FTO: variants seen among roughly 807,000 people sequenced by gnomAD.
The protein encoded by FTO is FTO alpha-ketoglutarate dependent dioxygenase, also known as alpha-ketoglutarate-dependent dioxygenase FTO.
FTO carries 47 observed loss-of-function variants against 63.9 expected under a neutral mutation model. The observed-to-expected ratio is 0.74, with a 90% CI of 0.58 to 0.94. FTO has a LOEUF of 0.94. Ranked by LOEUF, FTO falls within the 40% of genes least tolerant of loss-of-function variation. The pLI, the probability that FTO is intolerant of heterozygous loss-of-function variation, is 0.00. For missense variants in FTO, 562 were observed against 618.1 expected, an observed-to-expected ratio of 0.91 and a Z score of 0.96; for synonymous variants, 207 against 224.4, an observed-to-expected ratio of 0.92 and a Z score of 0.69.
chr16:53,711,470 C>T (rs552891220), intron 1 of FTO: 3 of 398,594 alleles, frequency 7.5e-6, no homozygotes, highest in South Asian at 1.3e-4. Context: ...TAAGTACCAA[C>T]AGCAGAGTGG....
chr16:54,015,623 T>G (rs2084426115), intron 8 of FTO, among the ~76,000 whole-genome samples: 1 of 152,190 alleles, frequency 6.6e-6, no homozygotes, highest in African/African-American at 2.4e-5. Context: ...TTGGGAAAAT[T>G]CAACTTAACC....
intron 1 of FTO, among the ~76,000 whole-genome samples, chr16:53,773,675 G>C (rs542594664): frequency 6.6e-6 from 1 of 152,274 alleles, no homozygotes; most frequent in African/African-American, 2.4e-5. Flanking sequence ...TGCCTAACAG[G>C]ACTAGTTTTC....
rs1264831905 is a variant in FTO, at chr16:54,118,734, A to G, written c.*6819A>G. 8.6e-5 allele frequency: 13 copies of G among 151,664 alleles called. No homozygotes were observed. Among genetic ancestry groups the G allele is most frequent in the African/African-American group, 3.2e-4 (13 of 41,246 alleles). 9.4% of individuals were successfully genotyped at this position (151,664 alleles called of 1,614,324 possible). On this transcript the variant is annotated 3_prime_UTR_variant, in exon 9 of 9. Coordinates refer to ENST00000471389, the MANE Select transcript of FTO (RefSeq NM_001080432.3). ...TCTTCGTGGTGCCAGTTTCAAGGGC[A>G]CCCTTCTTCCCTTCCCAGCCTCCGA... is the stretch of plus-strand genomic sequence containing the variant.
intron 4 of FTO, among the ~76,000 whole-genome samples, chr16:53,873,491 T>C (rs2080559531): frequency 6.7e-6 from 1 of 149,370 alleles, no homozygotes; most frequent in Non-Finnish European, 1.5e-5. Context: ...TGTATAAGTA[T>C]ATATAAGTAT....
At position 54,091,046 on chromosome 16, in the gene FTO, T is replaced by A. The variant is rs544359155; in HGVS notation, c.1365-20716T>A. 1.2e-3 allele frequency among the ~76,000 whole-genome samples: 188 copies of A among 152,284 alleles called. 1 individual carries two copies. Among genetic ancestry groups the A allele is most frequent in the Non-Finnish European group, 2.2e-3 (153 of 68,022 alleles). On this transcript the variant is annotated intron_variant, in intron 8 of 8. Coordinates refer to ENST00000471389, the MANE Select transcript of FTO (RefSeq NM_001080432.3). ...TAAGGAAATGGCCCAGAGTCACCTGTGCCGTGATCTGTTGTTGAAAGCAAG... is the reference window on the plus strand; with the variant it reads ...TAAGGAAATGGCCCAGAGTCACCTGAGCCGTGATCTGTTGTTGAAAGCAAG...
intron 1 of FTO, among the ~76,000 whole-genome samples, chr16:53,757,539 G>A (rs1380783129): frequency 6.6e-6 from 1 of 151,088 alleles, no homozygotes; most frequent in Non-Finnish European, 1.5e-5. Flanking sequence ...TATATAATAT[G>A]TGTGTATATA....
At chr16:54,000,721 G>C (rs564689035) in intron 8 of FTO, among the ~76,000 whole-genome samples, 44 of 152,248 alleles carry the variant, frequency 2.9e-4, no homozygotes, top group African/African-American at 1.0e-3. Context: ...ATGTCCATCG[G>C]TATGTCTCAG....
intron 8 of FTO, among the ~76,000 whole-genome samples, chr16:54,081,114 A>T (rs13335622): frequency 0.025 from 3,823 of 152,220 alleles, 144 homozygotes; most frequent in African/African-American, 0.085. Context: ...AATCGCATCA[A>T]TATTTTTTTT....
At chr16:54,074,268 C>T (rs796291861) in intron 8 of FTO, among the ~76,000 whole-genome samples, 15 of 151,926 alleles carry the variant, frequency 9.9e-5, no homozygotes, top group African/African-American at 3.4e-4. Context: ...TCTGGGTTTG[C>T]TTTTTTAATT....
intron 8 of FTO, among the ~76,000 whole-genome samples, chr16:54,069,084 C>T (rs557027420): frequency 2.0e-5 from 3 of 152,256 alleles, no homozygotes; most frequent in East Asian, 1.9e-4. Context: ...TTAAACTGAT[C>T]GCTCCAGTTT....
intron 1 of FTO, among the ~76,000 whole-genome samples, chr16:53,715,103 G>A (rs1268765987): frequency 6.6e-6 from 1 of 152,154 alleles, no homozygotes; most frequent in African/African-American, 2.4e-5. Context: ...TGTCCTGACT[G>A]TCTACTTACT....
intron 1 of FTO, among the ~76,000 whole-genome samples, chr16:53,809,300 ACT>A (rs1229259870): frequency 2.6e-5 from 4 of 152,198 alleles, no homozygotes; most frequent in Non-Finnish European, 1.5e-5. Flanking sequence ...ATGATAGATC[ACT>A]CTAAAAAAGC....
chr16:53,740,044 G>A (rs145764745), intron 1 of FTO, among the ~76,000 whole-genome samples: 1 of 152,328 alleles, frequency 6.6e-6, no homozygotes, highest in African/African-American at 2.4e-5. Context: ...CATACTTTAT[G>A]TATAGCCTTT....
Position 53,889,692 on chromosome 16 carries a change from T to G in FTO, c.1239+741T>G, listed in dbSNP as rs572878711. Among the ~76,000 whole-genome samples, 11 of 152,040 alleles carry G rather than the reference T, an allele frequency of 7.2e-5. No homozygotes were observed. In the South Asian group the frequency reaches 2.3e-3, roughly 32 times the overall value. ...GGATGGGGGATCTGGGGAAGAACAT[T>G]AGAATCCAGAAACTAAAAACAAGGC... On this transcript the variant is annotated intron_variant, in intron 7 of 8. Coordinates refer to ENST00000471389, the MANE Select transcript of FTO (RefSeq NM_001080432.3).
chr16:53,992,693 T>C (rs1205692085), intron 8 of FTO: 1 of 152,122 alleles, frequency 6.6e-6, no homozygotes, highest in Admixed American at 6.5e-5. Flanking sequence ...ATTAGAGTAT[T>C]GAGGACCTGA....
rs36221204 is a variant in FTO at position 54,065,098 on chromosome 16, CATTTTATTTTATTTTATTTT to C, written c.1365-46624_1365-46605del. On this transcript the variant is annotated intron_variant, in intron 8 of 8. Coordinates refer to ENST00000471389, the MANE Select transcript of FTO (RefSeq NM_001080432.3). ...TGGGGACAGCTGAGTGTTAGCATAA[CATTTTATTTTATTTTATTTT>C]ATTTTATTTTATTTTATTTTATTTT... is the stretch of plus-strand genomic sequence containing the variant. 4.9e-3 allele frequency among the ~76,000 whole-genome samples: 597 copies of C among 122,468 alleles called. 3 individuals are homozygous for C. Among genetic ancestry groups the C allele is most frequent in the African/African-American group, 0.014 (466 of 32,324 alleles). The allele number at this position is 122,468 out of a possible 152,430, so 80.3% of individuals were successfully genotyped here.
chr16:53,866,578 C>A (rs9939656), intron 4 of FTO, among the ~76,000 whole-genome samples: 12,131 of 152,068 alleles, frequency 0.08, 868 homozygotes, highest in African/African-American at 0.18. Context: ...TTATTCATTT[C>A]TTCTTGTAAG....
At chr16:53,793,735 C>T (rs915221776) in intron 1 of FTO, among the ~76,000 whole-genome samples, 1 of 140,790 alleles carries the variant, frequency 7.1e-6, no homozygotes, top group African/African-American at 2.5e-5. Context: ...CGTCTCAAAA[C>T]AAACAAACAA....
rs545936307 is a variant in FTO at position 53,976,610 on chromosome 16, T to A, written c.1364+42501T>A. ...TCCGATAGTCAGATTCCATAAAAAA[T>A]TTTAAATCCTGTTGGCATTTTAATA... On this transcript the variant is annotated intron_variant, in intron 8 of 8. Transcript: ENST00000471389. 5.9e-5 allele frequency among the ~76,000 whole-genome samples: 9 copies of A among 152,300 alleles called. No individual in the cohort carries two copies. In the South Asian group the frequency reaches 1.9e-3, roughly 32 times the overall value.
Sources: gnomAD v4.1 joint callset for allele counts (sites outside exome capture counted in the v4.1 genomes callset) on GRCh38, gnomAD v4.1.1 for gene constraint, MANE v1.5 for transcripts, NCBI Gene and HGNC (gene_info 2026-07-23, HGNC 2026-07-21) for gene names.